Variants in PARP14 observed in about 807,000 individuals in gnomAD.
PARP14 encodes poly(ADP-ribose) polymerase family member 14, also known as protein mono-ADP-ribosyltransferase PARP14.
In PARP14, 59 loss-of-function variants were observed where a neutral mutation model predicts 154.2. The observed-to-expected ratio is 0.38, with a 90% CI of 0.31 to 0.48. The LOEUF is 0.48. Among genes scored for constraint, PARP14 ranks in the 20% least tolerant of loss-of-function variants. PARP14 has a pLI of 0.98. For synonymous variants in PARP14, 720 were observed against 780.5 expected (o/e 0.92, Z 1.29); for missense variants, 1,734 against 2,131.6 (o/e 0.81, Z 3.67).
intron 9 of PARP14, among the ~76,000 whole-genome samples, chr3:122,712,350 T>C (rs1939350608): frequency 6.6e-6 from 1 of 152,086 alleles, no homozygotes; most frequent in Non-Finnish European, 1.5e-5. Flanking sequence ...TTCAAGTGAT[T>C]TCCTTGCTCA....
intron 15 of PARP14, among the ~76,000 whole-genome samples, chr3:122,723,600 T>TAAATA (rs1933212804): frequency 6.6e-6 from 1 of 152,214 alleles, no homozygotes; most frequent in Non-Finnish European, 1.5e-5. Context: ...TAAATTCAGA[T>TAAATA]AAATATTTTT....
intron 15 of PARP14, among the ~76,000 whole-genome samples, chr3:122,723,532 C>A (rs1933210709): frequency 6.6e-6 from 1 of 152,152 alleles, no homozygotes; most frequent in Admixed American, 6.5e-5. Flanking sequence ...TTGATAATAT[C>A]ATTTATTTCT....
chr3:122,685,163 T>G, intron 1 of PARP14, 22 bp from the exon 2 acceptor site: 1 of 1,606,672 alleles, frequency 6.2e-7, no homozygotes, highest in Non-Finnish European at 8.5e-7. Context: ...TTTGTCTTTT[T>G]TCCCCCCTTT....
rs1327608518 is a variant in PARP14, at chr3:122,703,923, A to G, written c.3263A>G (p.Tyr1088Cys). Residue 1088 changes from tyrosine to cysteine, a missense_variant, in exon 7 of 17, where the codon TAT becomes TGT. Around this residue, in one of 2 missense-constraint regions of PARP14, gnomAD observed 1,646 missense variants for 1,976.0 expected, o/e 0.83. Transcript: ENST00000474629. ...AGCAGCTGGAATCTGGACTGTCGCT[A>G]TGTGCTTCACGTGGTAGCTCCGGAG... ...KTSSWNLDCR[Y>C]VLHVVAPEWR... 6.2e-7 allele frequency: 1 copy of G among 1,613,864 alleles called. No homozygotes were observed. Among genetic ancestry groups the G allele is most frequent in the East Asian group, 2.2e-5 (1 of 44,898 alleles).
chr3:122,686,704 C>G (rs1159236051), intron 2 of PARP14: 1 of 170,316 alleles, frequency 5.9e-6, no homozygotes, highest in Non-Finnish European at 1.2e-5. Flanking sequence ...TGGCCTCAAG[C>G]GATCCTCCCA....
chr3:122,708,827 C>G (rs114124388), intron 9 of PARP14, among the ~76,000 whole-genome samples: 1 of 152,188 alleles, frequency 6.6e-6, no homozygotes, highest in Non-Finnish European at 1.5e-5. Flanking sequence ...GCCTACCCCC[C>G]TCAATCCCAC....
chr3:122,724,460 A>ATTTTTTTT (rs956215914), intron 15 of PARP14, among the ~76,000 whole-genome samples: 1 of 102,036 alleles, frequency 9.8e-6, no homozygotes, highest in Admixed American at 1.1e-4. Context: ...CACCACGCCT[A>ATTTTTTTT]TTTTTTTTTT....
At chr3:122,717,540 G>C (rs776056137) in intron 12 of PARP14, among the ~76,000 whole-genome samples, 1 of 152,216 alleles carries the variant, frequency 6.6e-6, no homozygotes, top group South Asian at 2.1e-4. Flanking sequence ...CAAATAGCCT[G>C]TAGCACTGGG....
intron 8 of PARP14, 47 bp downstream of exon 8, chr3:122,704,795 G>GT (rs1939100001): frequency 9.5e-7 from 1 of 1,057,754 alleles, no homozygotes; most frequent in Non-Finnish European, 1.4e-6. Context: ...GAGACCTAGT[G>GT]TTTTTTCAAA....
chr3:122,713,168 G>A (rs1034756837), intron 9 of PARP14, among the ~76,000 whole-genome samples: 14 of 152,192 alleles, frequency 9.2e-5, no homozygotes, highest in East Asian at 3.8e-4. Flanking sequence ...TGTAATCAAC[G>A]GGAGAGATAG....
intron 10 of PARP14, 80 bp downstream of exon 10, chr3:122,713,653 A>G: frequency 1.5e-6 from 2 of 1,310,024 alleles, no homozygotes; most frequent in Non-Finnish European, 2.1e-6. Flanking sequence ...ACTGGTTTTT[A>G]GAACTTTGGC....
intron 9 of PARP14, among the ~76,000 whole-genome samples, chr3:122,709,901 TTTG>T (rs752512315): frequency 6.7e-5 from 8 of 119,876 alleles, no homozygotes; most frequent in Admixed American, 4.4e-4. Flanking sequence ...TGTTTTTTTT[TTTG>T]TTTGTTTGTT....
intron 12 of PARP14, 140 bp downstream of exon 12, chr3:122,714,569 A>G (rs918612296): frequency 7.5e-6 from 4 of 531,374 alleles, no homozygotes; most frequent in African/African-American, 6.0e-5. Context: ...CTTCCTCCCC[A>G]TAAGACAACT....
rs144440124 is a variant in PARP14, at chr3:122,706,003, C to T, written c.3540+1255C>T. 6.4e-4 allele frequency among the ~76,000 whole-genome samples: 97 copies of T among 152,298 alleles called. No individual in the cohort carries two copies. The East Asian group carries it at 0.019, about 29-fold the overall frequency. ...CACATACTTTCCCTCCTATAAATCA[C>T]AATTACTTTGGAGCTAAGATTTATA... On this transcript the variant is annotated intron_variant, in intron 8 of 16. Transcript: ENST00000474629.
chr3:122,699,273 C>T, intron 5 of PARP14, 117 bp from the exon 6 acceptor site: 7 of 576,040 alleles, frequency 1.2e-5, no homozygotes, highest in South Asian at 8.9e-5. Context: ...TATTTCTTTC[C>T]TTTAAGTGTT....
At position 122,699,583 on chromosome 3, in the gene PARP14, G is replaced by A; in HGVS notation, c.1029G>A (p.Glu343=). 6.2e-7 allele frequency: 1 copy of A among 1,614,006 alleles called. No individual in the cohort carries two copies. Among genetic ancestry groups the A allele is most frequent in the Non-Finnish European group, 8.5e-7 (1 of 1,179,878 alleles). ...AGAAAAAGAATCACCTCATTGAGGA[G>A]ATAAACGATGAAATGAGGCGTTGTC... ...FLQKKNHLIE[E]INDEMRRCHC... The change falls in exon 6 of 17, where the codon GAG becomes GAA. Residue 343 remains glutamate, a synonymous_variant. Coordinates refer to ENST00000474629, the MANE Select transcript of PARP14 (RefSeq NM_017554.3).
At chr3:122,712,183 T>C (rs921550822) in intron 9 of PARP14, among the ~76,000 whole-genome samples, 2 of 152,180 alleles carry the variant, frequency 1.3e-5, no homozygotes, top group African/African-American at 4.8e-5. Context: ...TCATGGATCA[T>C]AGTTATAGTA....
chr3:122,708,116 A>T (rs1046541281), intron 8 of PARP14, 74 bp from the exon 9 acceptor site: 56 of 771,150 alleles, frequency 7.3e-5, no homozygotes, highest in Middle Eastern at 2.5e-4. Flanking sequence ...TGCATGCAGG[A>T]CAAAACACCC....
intron 12 of PARP14, 67 bp from the exon 13 acceptor site, chr3:122,718,004 A>C (rs1933040771): frequency 8.1e-7 from 1 of 1,227,746 alleles, no homozygotes; most frequent in African/African-American, 1.5e-5. Context: ...GGAAACCCTA[A>C]TTTATTCCTC....
Sources: gnomAD v4.1 joint callset for allele counts (sites outside exome capture counted in the v4.1 genomes callset) on GRCh38, gnomAD v4.1.1 for gene constraint, gnomAD v4.1.1 regional missense constraint, MANE v1.5 for transcripts, NCBI Gene and HGNC (gene_info 2026-07-23, HGNC 2026-07-21) for gene names.